Variants in PRIM2 observed in about 807,000 individuals in gnomAD.
PRIM2 encodes DNA primase subunit 2, also known as DNA primase large subunit.
A neutral mutation model predicts 67.3 loss-of-function variants in PRIM2; 39 were observed. That is an observed-to-expected ratio of 0.58 (90% CI 0.45 to 0.76). The LOEUF is 0.76. Ranked by LOEUF, PRIM2 falls within the 30% of genes least tolerant of loss-of-function variation. The pLI, the probability that PRIM2 is intolerant of heterozygous loss-of-function variation, is 0.00. For missense variants in PRIM2, 398 were observed against 598.7 expected, an observed-to-expected ratio of 0.66 and a Z score of 3.50; for synonymous variants, 143 against 198.7, an observed-to-expected ratio of 0.72 and a Z score of 2.36.
chr6:57,251,235 AT>A, the PRIM2 span, among the ~76,000 whole-genome samples: 1 of 152,226 alleles, frequency 6.6e-6, no homozygotes, highest in Non-Finnish European at 1.5e-5. Flanking sequence ...TTTTAAAAAA[AT>A]CATACTTTTA....
the PRIM2 span, among the ~76,000 whole-genome samples, chr6:57,273,420 G>A: frequency 5.9e-5 from 9 of 152,032 alleles, no homozygotes; most frequent in African/African-American, 7.2e-5. Flanking sequence ...TGATCACATC[G>A]GCTACTGAGG....
the PRIM2 span, among the ~76,000 whole-genome samples, chr6:57,298,891 C>T: frequency 1.3e-5 from 2 of 152,060 alleles, no homozygotes; most frequent in Non-Finnish European, 2.9e-5. Context: ...TTTCCTGCCT[C>T]CCCCACCCTA....
intron 5 of PRIM2, among the ~76,000 whole-genome samples, chr6:57,338,167 G>C (rs1201275720): frequency 6.6e-6 from 1 of 151,878 alleles, no homozygotes; most frequent in African/African-American, 2.4e-5. Flanking sequence ...GGAAGAAGTT[G>C]AATCTCTGAA....
chr6:57,238,799 A>C, the PRIM2 span, among the ~76,000 whole-genome samples: 2 of 152,140 alleles, frequency 1.3e-5, no homozygotes, highest in Admixed American at 1.3e-4. Flanking sequence ...AAGATCAACA[A>C]AATTGAGAGA....
chr6:57,524,347 T>G (rs1774695786), intron 8 of PRIM2, among the ~76,000 whole-genome samples: 6 of 152,244 alleles, frequency 3.9e-5, no homozygotes, highest in Non-Finnish European at 5.9e-5. Flanking sequence ...GAAAAGTTCC[T>G]CAGGTGTGAC....
In PRIM2 at chr6:57,537,521, C is replaced by T. The variant is rs1274631149; in HGVS notation, c.916C>T (p.Arg306Ter). 1.1e-5 allele frequency: 17 copies of T among 1,580,312 alleles called. No homozygotes were observed. The highest frequency in any genetic ancestry group is 6.7e-5 in the African/African-American group (5 of 74,106). The change falls in exon 10 of 14, where the codon CGA becomes TGA. Residue 306 changes from arginine to a stop codon, truncating the protein, a stop_gained. Coordinates refer to ENST00000615550, the MANE Select transcript of PRIM2 (RefSeq NM_000947.5). LOFTEE classifies it high-confidence loss of function. Reference protein sequence around the residue: ...RENHHLRHGGRMQYGLFLKGI... With the variant: ...RENHHLRHGG Reference sequence around the variant, plus strand: ...AAATCACCATCTTCGTCATGGAGGCCGAATGCAGTATGGCCTATTTCTGAA... The same window carrying T: ...AAATCACCATCTTCGTCATGGAGGCTGAATGCAGTATGGCCTATTTCTGAA...
At chr6:57,422,264 C>T (rs1006271973) in intron 7 of PRIM2, among the ~76,000 whole-genome samples, 7 of 146,866 alleles carry the variant, frequency 4.8e-5, no homozygotes, top group African/African-American at 1.7e-4. Flanking sequence ...AGTAATTCTC[C>T]CACCTCAGCC....
At chr6:57,365,375 G>A (rs111511818) in intron 5 of PRIM2, among the ~76,000 whole-genome samples, 2,300 of 150,834 alleles carry the variant, frequency 0.015, 23 homozygotes, top group Middle Eastern at 0.024. Flanking sequence ...ATTACTGCTT[G>A]TTGGTCTAGC....
At chr6:57,261,460 C>G in the PRIM2 span, among the ~76,000 whole-genome samples, 2 of 152,322 alleles carry the variant, frequency 1.3e-5, no homozygotes, top group East Asian at 3.9e-4. Context: ...TGAACTGACC[C>G]AGAAACCAGA....
chr6:57,318,697 C>A, intron 2 of PRIM2, 98 bp downstream of exon 2: 1 of 966,126 alleles, frequency 1.0e-6, no homozygotes, highest in Non-Finnish European at 1.5e-6. Flanking sequence ...ATTCAGCAAT[C>A]CATTCAACAA....
Position 57,320,350 on chromosome 6 carries a change from T to C in PRIM2, c.155-107T>C, listed in dbSNP as rs1767611730. 4 of 674,354 alleles carry C rather than the reference T, an allele frequency of 5.9e-6. No individual in the cohort carries two copies. The East Asian group carries it at 1.1e-4, about 19-fold the overall frequency. 41.8% of individuals were successfully genotyped at this position (674,354 alleles called of 1,614,324 possible). A position where few individuals can be genotyped will look rare whatever the true frequency, so the allele number is the denominator to read the frequency against. On this transcript the variant is annotated intron_variant, in intron 2 of 13. Coordinates refer to ENST00000615550, the MANE Select transcript of PRIM2 (RefSeq NM_000947.5). ...TACAGGAAATAAACTGGCAATTACC[T>C]GTCATGTTCTGTAAACAAGTAATTA...
intron 3 of PRIM2, among the ~76,000 whole-genome samples, chr6:57,320,849 C>G (rs890741165): frequency 3.9e-5 from 6 of 152,140 alleles, no homozygotes; most frequent in Non-Finnish European, 8.8e-5. Flanking sequence ...GCTTCTACCC[C>G]TACATATTTC....
intron 13 of PRIM2, among the ~76,000 whole-genome samples, chr6:57,636,468 A>G (rs1315596786): frequency 6.6e-6 from 1 of 152,236 alleles, no homozygotes; most frequent in Non-Finnish European, 1.5e-5. Flanking sequence ...GGAAACAGCC[A>G]TATACACTTC....
intron 4 of PRIM2, among the ~76,000 whole-genome samples, chr6:57,325,359 G>A (rs1346897404): frequency 6.6e-6 from 1 of 150,414 alleles, no homozygotes; most frequent in Non-Finnish European, 1.5e-5. Flanking sequence ...GAGTACAGTG[G>A]TGTGATCTCG....
chr6:57,623,150 T>G (rs1776888559), intron 12 of PRIM2, among the ~76,000 whole-genome samples: 1 of 152,178 alleles, frequency 6.6e-6, no homozygotes, highest in South Asian at 2.1e-4. Flanking sequence ...TTGCTTTTCT[T>G]AGTGTTGTAG....
At chr6:57,337,698 C>G (rs932561543) in intron 5 of PRIM2, among the ~76,000 whole-genome samples, 1 of 152,014 alleles carries the variant, frequency 6.6e-6, no homozygotes, top group Non-Finnish European at 1.5e-5. Flanking sequence ...ATCTCTGGGA[C>G]GCATTCAAAG....
the PRIM2 span, among the ~76,000 whole-genome samples, chr6:57,246,025 T>C: frequency 6.6e-6 from 1 of 152,260 alleles, no homozygotes; most frequent in African/African-American, 2.4e-5. Flanking sequence ...TTGTATCACA[T>C]GCATCTCTAT....
chr6:57,546,847 T>G (rs1160516856), intron 10 of PRIM2, among the ~76,000 whole-genome samples: 3 of 152,192 alleles, frequency 2.0e-5, no homozygotes, highest in Non-Finnish European at 4.4e-5. Flanking sequence ...CATACCTTAC[T>G]CCAAAAAACA....
chr6:57,259,219 A>T, the PRIM2 span, among the ~76,000 whole-genome samples: 1 of 152,196 alleles, frequency 6.6e-6, no homozygotes. Context: ...CTTGCTATCA[A>T]TGCATAACAA....
Sources: allele counts gnomAD v4.1 joint callset (sites outside exome capture counted in the v4.1 genomes callset), GRCh38; gene constraint gnomAD v4.1.1; transcripts MANE v1.5; gene names NCBI Gene and HGNC (gene_info 2026-07-23, HGNC 2026-07-21).